Variants in PCDH15 observed in about 807,000 individuals in gnomAD.
PCDH15 encodes the protein protocadherin related 15.
In PCDH15, 129 loss-of-function variants were observed where a neutral mutation model predicts 178.5. The observed-to-expected ratio is 0.72, with a 90% CI of 0.63 to 0.84. The LOEUF (loss-of-function observed/expected upper bound fraction) is 0.84. Ranked by LOEUF, PCDH15 falls within the 40% of genes least tolerant of loss-of-function variation. PCDH15 has a pLI of 0.00. For synonymous variants in PCDH15, 800 were observed against 732.0 expected (o/e 1.09, Z -1.50); for missense variants, 2,230 against 2,099.9 (o/e 1.06, Z -1.21).
intron 3 of PCDH15, among the ~76,000 whole-genome samples, chr10:54,888,369 AT>A (rs1954399110): frequency 6.6e-6 from 1 of 151,862 alleles, no homozygotes; most frequent in Admixed American, 6.6e-5. Context: ...GTATATCAAT[AT>A]TTCTTTTCCC....
intron 2 of PCDH15, among the ~76,000 whole-genome samples, chr10:55,532,621 A>C (rs1290743537): frequency 3.9e-5 from 6 of 152,110 alleles, no homozygotes; most frequent in Non-Finnish European, 8.8e-5. Flanking sequence ...GATATGCTGG[A>C]TGAAGCAGCT....
chr10:54,587,881 A>G (rs2091608436), intron 2 of PCDH15, among the ~76,000 whole-genome samples: 2 of 152,222 alleles, frequency 1.3e-5, no homozygotes. Context: ...ATAGAAAGAA[A>G]GAACTGACTT....
intron 20 of PCDH15, among the ~76,000 whole-genome samples, chr10:54,007,893 C>T (rs750380133): frequency 4.6e-5 from 7 of 152,130 alleles, no homozygotes; most frequent in Non-Finnish European, 1.0e-4. Context: ...ATCAACAAAA[C>T]AGCTTTTCAG....
rs148210060 is a variant in PCDH15, at chr10:55,139,935, T to C, written c.-80+26641A>G. On this transcript the variant is annotated intron_variant, in intron 2 of 5. Coordinates refer to the PCDH15 transcript ENST00000458638. The stretch of plus-strand genomic sequence containing the variant: ...TTGTGTCTATAATTATTTAGATCTT[T>C]GATTTCTTCCATCAAAATTTCATTA... 4.5e-4 allele frequency among the ~76,000 whole-genome samples: 68 copies of C among 152,134 alleles called. 1 individual carries two copies. In the East Asian group the frequency reaches 7.5e-3, roughly 17 times the overall value.
intron 9 of PCDH15, among the ~76,000 whole-genome samples, chr10:54,234,782 C>G (rs1370967401): frequency 6.6e-6 from 1 of 152,190 alleles, no homozygotes; most frequent in African/African-American, 2.4e-5. Flanking sequence ...GAGTTTATAT[C>G]TATTGTTTGG....
At chr10:54,688,295 T>TC (rs1169065485) in intron 1 of PCDH15, among the ~76,000 whole-genome samples, 6 of 152,058 alleles carry the variant, frequency 3.9e-5, no homozygotes, top group African/African-American at 1.4e-4. Context: ...CATTTTTTTT[T>TC]CTCTAAGCCT....
chr10:54,104,997 C>T (rs1254569249), intron 15 of PCDH15, among the ~76,000 whole-genome samples: 1 of 151,730 alleles, frequency 6.6e-6, no homozygotes, highest in Admixed American at 6.6e-5. Context: ...AGTGGTGAAT[C>T]AGGAGTGTCA....
At chr10:54,452,080 T>C (rs151240098) in intron 3 of PCDH15, among the ~76,000 whole-genome samples, 131 of 152,068 alleles carry the variant, frequency 8.6e-4, no homozygotes, top group South Asian at 2.3e-3. Context: ...AAACCCACAG[T>C]TCAGTTTTTG....
At chr10:55,128,460 C>G (rs1186077660) in intron 2 of PCDH15, among the ~76,000 whole-genome samples, 1 of 152,020 alleles carries the variant, frequency 6.6e-6, no homozygotes, top group Admixed American at 6.6e-5. Flanking sequence ...ACCTCATGCT[C>G]TCTCATGTAG....
intron 2 of PCDH15, among the ~76,000 whole-genome samples, chr10:54,598,095 C>G (rs1330066518): frequency 6.6e-6 from 1 of 151,898 alleles, no homozygotes; most frequent in East Asian, 1.9e-4. Flanking sequence ...ACGGTTCCCC[C>G]ACAATTGAGA....
At chr10:55,229,953 CT>C (rs1215502831) in intron 1 of PCDH15, among the ~76,000 whole-genome samples, 2 of 151,980 alleles carry the variant, frequency 1.3e-5, no homozygotes, top group Non-Finnish European at 2.9e-5. Context: ...CTGCTGAACT[CT>C]GCTGTGTCTG....
intron 3 of PCDH15, among the ~76,000 whole-genome samples, chr10:54,464,961 T>C (rs923427944): frequency 6.6e-6 from 1 of 152,144 alleles, no homozygotes; most frequent in African/African-American, 2.4e-5. Context: ...TAAAAAGCAA[T>C]AACATGCCAT....
intron 1 of PCDH15, among the ~76,000 whole-genome samples, chr10:55,251,797 A>T (rs1207519427): frequency 2.6e-5 from 4 of 152,174 alleles, no homozygotes; most frequent in African/African-American, 7.2e-5. Flanking sequence ...ATAAACAGTC[A>T]TTTATTTTCA....
intron 2 of PCDH15, among the ~76,000 whole-genome samples, chr10:55,535,698 C>A (rs1208803945): frequency 6.6e-6 from 1 of 151,952 alleles, no homozygotes; most frequent in East Asian, 1.9e-4. Flanking sequence ...TTAAATACTC[C>A]TTAGTAGGAC....
Position 54,089,981 on chromosome 10 carries a change from T to C in PCDH15, c.1997+3A>G. ...TTAAAGTAGGAAATCATTTTTAACT[T>C]ACGTTTCTGAAAGATTAAAAACTCT... is the stretch of plus-strand genomic sequence containing the variant. On this transcript the variant is annotated splice_donor_region_variant and intron_variant, in intron 16 of 37. Transcript: ENST00000644397. The C allele has an allele frequency of 6.2e-7, 1 of 1,602,270 alleles. No individual in the cohort carries two copies. Among genetic ancestry groups the C allele is most frequent in the Non-Finnish European group, 8.5e-7 (1 of 1,169,654 alleles).
At chr10:54,082,986 A>G (rs1383668894) in intron 16 of PCDH15, among the ~76,000 whole-genome samples, 1 of 152,126 alleles carries the variant, frequency 6.6e-6, no homozygotes, top group Non-Finnish European at 1.5e-5. Flanking sequence ...GGATATACAA[A>G]TAATCAAAAA....
chr10:54,293,344 G>C lies in PCDH15; in HGVS notation c.876+23927C>G, dbSNP rs189279995. On this transcript the variant is annotated intron_variant, in intron 8 of 37. Transcript: ENST00000644397. ...AGATGGATTAAAGACTTAAATGTTA[G>C]ACCTAAAATCATAAAAACCTGAGAG... 2.0e-5 allele frequency among the ~76,000 whole-genome samples: 3 copies of C among 152,254 alleles called. No homozygotes were observed. In the East Asian group the frequency reaches 5.8e-4, roughly 29 times the overall value.
intron 2 of PCDH15, among the ~76,000 whole-genome samples, chr10:55,412,976 G>T (rs960708031): frequency 2.0e-5 from 3 of 150,878 alleles, no homozygotes; most frequent in Admixed American, 6.6e-5. Flanking sequence ...AAAACCACTA[G>T]TTACCCTGAA....
At chr10:54,925,629 T>G (rs1176923597) in intron 2 of PCDH15, among the ~76,000 whole-genome samples, 1 of 152,120 alleles carries the variant, frequency 6.6e-6, no homozygotes, top group Non-Finnish European at 1.5e-5. Flanking sequence ...TGAGCAGTGT[T>G]TTGTAGTTCT....
Sources: allele counts gnomAD v4.1 joint callset (sites outside exome capture counted in the v4.1 genomes callset), GRCh38; gene constraint gnomAD v4.1.1; transcripts MANE v1.5; gene names NCBI Gene and HGNC (gene_info 2026-07-23, HGNC 2026-07-21).